Variants in LYRM7 observed in about 807,000 individuals in gnomAD.
The protein encoded by LYRM7 is LYR motif containing 7, also known as complex III assembly factor LYRM7.
A neutral mutation model predicts 15.8 loss-of-function variants in LYRM7; 9 were observed. The observed-to-expected ratio is 0.57, with a 90% confidence interval of 0.34 to 0.99. LYRM7 has a LOEUF of 0.99. Among genes scored for constraint, LYRM7 ranks in the 50% least tolerant of loss-of-function variants. The pLI is 0.02. For synonymous variants in LYRM7, 39 were observed against 39.4 expected, an observed-to-expected ratio of 0.99 and a Z score of 0.04; for missense variants, 115 against 119.1, an observed-to-expected ratio of 0.97 and a Z score of 0.16.
At chr5:131,175,015 T>C (rs1325975425) in intron 1 of LYRM7, among the ~76,000 whole-genome samples, 1 of 152,030 alleles carries the variant, frequency 6.6e-6, no homozygotes, top group Non-Finnish European at 1.5e-5. Flanking sequence ...TTGAAAGGAA[T>C]CTTTTTTTTT....
rs1203155324 is a variant in LYRM7 at position 131,202,675 on chromosome 5, C to T, written c.*3074C>T. ...TACAGGTGCATACCACCATAACCAG[C>T]TTTAATTAAATGTTTTTTATTTGGT... On this transcript the variant is annotated 3_prime_UTR_variant, in exon 5 of 5. Coordinates refer to ENST00000379380, the MANE Select transcript of LYRM7 (RefSeq NM_181705.4). 1 of 152,174 alleles carries T rather than the reference C, an allele frequency of 6.6e-6. No individual in the cohort carries two copies. The highest frequency in any genetic ancestry group is 1.5e-5 in the Non-Finnish European group (1 of 68,034). The allele number at this position is 152,174 out of a possible 1,614,324, so 9.4% of individuals were successfully genotyped here. A position where few individuals can be genotyped will look rare whatever the true frequency, so the allele number is the denominator to read the frequency against.
intron 4 of LYRM7, among the ~76,000 whole-genome samples, chr5:131,194,227 A>C (rs533973051): frequency 1.4e-4 from 21 of 152,344 alleles, no homozygotes; most frequent in South Asian, 1.2e-3. Flanking sequence ...AAATTATAAT[A>C]AAAACAGTAT....
chr5:131,171,082 G>C (rs530122051), intron 1 of LYRM7, 44 bp downstream of exon 1: 1 of 1,493,036 alleles, frequency 6.7e-7, no homozygotes, highest in Admixed American at 3.0e-5. Context: ...CGTCGGGGAG[G>C]GTATGTTCGC....
chr5:131,175,269 G>T lies in LYRM7; in HGVS notation c.18+4231G>T, dbSNP rs1415317309. Among the ~76,000 whole-genome samples, 3 of 147,320 alleles carry T rather than the reference G, an allele frequency of 2.0e-5. No individual in the cohort carries two copies. In the East Asian group the frequency reaches 5.9e-4, roughly 29 times the overall value. On this transcript the variant is annotated intron_variant, in intron 1 of 4. Coordinates refer to ENST00000379380, the MANE Select transcript of LYRM7 (RefSeq NM_181705.4). Reference sequence around the variant, plus strand: ...GGGCAGAGTGCAGTGGCGCAATCTCGGCTCACCACAACCCCTGCCTCCCAG... The same window carrying T: ...GGGCAGAGTGCAGTGGCGCAATCTCTGCTCACCACAACCCCTGCCTCCCAG...
chr5:131,196,019 A>G (rs1397706797), intron 4 of LYRM7, among the ~76,000 whole-genome samples: 1 of 152,096 alleles, frequency 6.6e-6, no homozygotes, highest in Non-Finnish European at 1.5e-5. Context: ...GATGTATGCT[A>G]CAGATGGAAA....
chr5:131,175,197 CT>C (rs59140330), intron 1 of LYRM7, among the ~76,000 whole-genome samples: 218 of 125,596 alleles, frequency 1.7e-3, no homozygotes, highest in Middle Eastern at 8.1e-3. Flanking sequence ...GCTTCAATCT[CT>C]TTTTTTTTTT....
rs1489462963 is a variant in LYRM7 at position 131,199,597 on chromosome 5, A to G, written c.311A>G (p.Gln104Arg). 5.6e-6 allele frequency: 9 copies of G among 1,599,080 alleles called. No homozygotes were observed. The highest frequency in any genetic ancestry group is 1.3e-5 in the African/African-American group (1 of 74,438). ...VPYCDAPTQK[Q>R] Reference sequence around the variant, plus strand: ...TATTGTGATGCACCAACTCAGAAGCAATGAGTTTTCTAGAATACAACAAGT... The same window carrying G: ...TATTGTGATGCACCAACTCAGAAGCGATGAGTTTTCTAGAATACAACAAGT... The change falls in exon 5 of 5, where the codon CAA (glutamine) becomes CGA (arginine). Residue 104 changes from glutamine to arginine, a missense_variant. Physicochemically the swap from Gln to Arg is conservative, Grantham distance 43. Transcript: ENST00000379380.
chr5:131,171,131 GC>G (rs1755513805), intron 1 of LYRM7, 93 bp downstream of exon 1: 1 of 1,262,928 alleles, frequency 7.9e-7, no homozygotes, highest in Admixed American at 3.9e-5. Context: ...GGAGGCTGGG[GC>G]TCCTGACCCT....
chr5:131,196,006 G>C (rs1327855565), intron 4 of LYRM7, among the ~76,000 whole-genome samples: 1 of 152,086 alleles, frequency 6.6e-6, no homozygotes, highest in Non-Finnish European at 1.5e-5. Flanking sequence ...CAGGTAGTGA[G>C]TGGATGTATG....
At chr5:131,192,394 A>T (rs544980749) in intron 4 of LYRM7, among the ~76,000 whole-genome samples, 1 of 152,322 alleles carries the variant, frequency 6.6e-6, no homozygotes, top group African/African-American at 2.4e-5. Flanking sequence ...AATTTATTGT[A>T]TGTTTTCAAA....
At chr5:131,186,595 C>T (rs969846695) in intron 3 of LYRM7, among the ~76,000 whole-genome samples, 2 of 152,080 alleles carry the variant, frequency 1.3e-5, no homozygotes, top group Non-Finnish European at 2.9e-5. Context: ...ATAAATTAGA[C>T]ACAGTACTCT....
At chr5:131,171,219 CGGAGGAGAGCG>C (rs1295715510) in intron 1 of LYRM7, among the ~76,000 whole-genome samples, 181 bp downstream of exon 1, 1 of 151,832 alleles carries the variant, frequency 6.6e-6, no homozygotes, top group East Asian at 1.9e-4. Flanking sequence ...TGTGCACGTG[CGGAGGAGAGCG>C]GGAGGCACCA....
At chr5:131,172,289 C>G (rs555645247) in intron 1 of LYRM7, among the ~76,000 whole-genome samples, 60 of 152,306 alleles carry the variant, frequency 3.9e-4, no homozygotes, top group South Asian at 3.3e-3. Context: ...GGGCGGGTGC[C>G]TGTAATCCCG....
chr5:131,192,843 T>A (rs938208549), intron 4 of LYRM7, among the ~76,000 whole-genome samples: 13 of 152,246 alleles, frequency 8.5e-5, no homozygotes, highest in African/African-American at 3.1e-4. Flanking sequence ...TTCATTATTC[T>A]ATACTTGCTG....
intron 1 of LYRM7, among the ~76,000 whole-genome samples, chr5:131,177,324 T>C (rs1755617237): frequency 6.6e-6 from 1 of 152,202 alleles, no homozygotes; most frequent in Non-Finnish European, 1.5e-5. Context: ...GCCTCTCCCA[T>C]GTTAGACTAC....
intron 3 of LYRM7, among the ~76,000 whole-genome samples, chr5:131,184,678 C>T (rs978069084): frequency 6.6e-6 from 1 of 151,708 alleles, no homozygotes; most frequent in East Asian, 1.9e-4. Context: ...ACCACCTCCT[C>T]CTCATCTTCT....
intron 1 of LYRM7, among the ~76,000 whole-genome samples, chr5:131,179,045 A>C (rs914098737): frequency 1.3e-5 from 2 of 151,812 alleles, no homozygotes; most frequent in African/African-American, 4.8e-5. Flanking sequence ...GGCCTCTTTT[A>C]AGATGCAATA....
chr5:131,181,294 A>ATATATAT (rs1221861213), intron 2 of LYRM7, among the ~76,000 whole-genome samples: 23 of 16,408 alleles, frequency 1.4e-3, no homozygotes, highest in Non-Finnish European at 1.3e-3. Flanking sequence ...AAAAAAAAAA[A>ATATATAT]AAAAAAAAAT....
At chr5:131,178,321 A>G (rs1280779779) in intron 1 of LYRM7, among the ~76,000 whole-genome samples, 2 of 152,196 alleles carry the variant, frequency 1.3e-5, no homozygotes, top group African/African-American at 4.8e-5. Context: ...GCCTGAACAT[A>G]AGTGATTTTG....
Sources: allele counts gnomAD v4.1 joint callset (sites outside exome capture counted in the v4.1 genomes callset), GRCh38; gene constraint gnomAD v4.1.1; transcripts MANE v1.5; gene names NCBI Gene and HGNC (gene_info 2026-07-23, HGNC 2026-07-21).